Variants in RBMS1 observed in about 807,000 individuals in gnomAD.
RBMS1 encodes the protein RNA-binding motif, single-stranded-interacting protein 1.
A neutral mutation model predicts 62.3 loss-of-function variants in RBMS1; 17 were observed. The ratio of observed to expected loss-of-function variants is 0.27; its 90% confidence interval spans 0.19 to 0.41. The LOEUF is 0.41. Ranked by LOEUF, RBMS1 falls within the 10% of genes least tolerant of loss-of-function variation. The pLI is 1.00. For synonymous variants in RBMS1, 172 were observed against 170.0 expected, an observed-to-expected ratio of 1.01 and a Z score of -0.09; for missense variants, 334 against 504.5, an observed-to-expected ratio of 0.66 and a Z score of 3.24.
chr2:160,424,941 T>A (rs1696583824), intron 1 of RBMS1, among the ~76,000 whole-genome samples: 1 of 151,962 alleles, frequency 6.6e-6, no homozygotes, highest in African/African-American at 2.4e-5. Context: ...TAATCAGGAA[T>A]TGATCATCTA....
chr2:160,324,278 C>CACAA (rs1559381914), intron 2 of RBMS1, among the ~76,000 whole-genome samples: 1 of 152,168 alleles, frequency 6.6e-6, no homozygotes, highest in Non-Finnish European at 1.5e-5. Context: ...CACACACACA[C>CACAA]AATTTTCCTG....
At chr2:160,366,657 TG>T (rs2106023924) in intron 2 of RBMS1, among the ~76,000 whole-genome samples, 1 of 152,366 alleles carries the variant, frequency 6.6e-6, no homozygotes, top group East Asian at 1.9e-4. Flanking sequence ...TTTATGCACA[TG>T]CACACATCCC....
intron 1 of RBMS1, among the ~76,000 whole-genome samples, chr2:160,396,701 G>C (rs1249090836): frequency 6.6e-6 from 1 of 151,852 alleles, no homozygotes; most frequent in Non-Finnish European, 1.5e-5. Context: ...GAGTGGCTGG[G>C]ATACAGGCAG....
chr2:160,449,043 A>G (rs1683820934), intron 1 of RBMS1, among the ~76,000 whole-genome samples: 1 of 149,702 alleles, frequency 6.7e-6, no homozygotes, highest in Admixed American at 6.7e-5. Flanking sequence ...AGAAGTGAGG[A>G]GCCCCTCCGC....
intron 1 of RBMS1, among the ~76,000 whole-genome samples, chr2:160,385,401 A>T (rs769423729): frequency 7.2e-5 from 11 of 152,226 alleles, no homozygotes; most frequent in Non-Finnish European, 1.5e-4. Flanking sequence ...AGAGAGAGAG[A>T]AAGCTAACTA....
At chr2:160,395,268 C>T (rs1305900542) in intron 1 of RBMS1, among the ~76,000 whole-genome samples, 1 of 152,252 alleles carries the variant, frequency 6.6e-6, no homozygotes, top group South Asian at 2.1e-4. Context: ...TAATAGAATC[C>T]GTGTATCTTA....
chr2:160,396,892 G>A (rs1695175427), intron 1 of RBMS1, among the ~76,000 whole-genome samples: 1 of 152,096 alleles, frequency 6.6e-6, no homozygotes, highest in Non-Finnish European at 1.5e-5. Flanking sequence ...GCATGCACGT[G>A]GCACTCTCTG....
chr2:160,420,004 C>A (rs1351415117), intron 1 of RBMS1, among the ~76,000 whole-genome samples: 1 of 152,180 alleles, frequency 6.6e-6, no homozygotes, highest in Non-Finnish European at 1.5e-5. Context: ...TGACTCTCTT[C>A]TCTTTCTCCA....
At chr2:160,359,194 T>C (rs954224167) in intron 2 of RBMS1, among the ~76,000 whole-genome samples, 6 of 152,084 alleles carry the variant, frequency 3.9e-5, no homozygotes, top group South Asian at 4.1e-4. Flanking sequence ...TATTTCCTTA[T>C]ATTAGCCTCT....
intron 4 of RBMS1, among the ~76,000 whole-genome samples, chr2:160,310,081 T>C (rs1004217065): frequency 3.9e-5 from 6 of 152,194 alleles, no homozygotes; most frequent in Non-Finnish European, 1.5e-5. Context: ...CTATTTCACA[T>C]TATGTTAAAC....
chr2:160,284,768 T>C lies in RBMS1; in HGVS notation c.900+7A>G. 6.4e-7 allele frequency: 1 copy of C among 1,570,420 alleles called. No individual in the cohort carries two copies. The highest frequency in any genetic ancestry group is 8.8e-7 in the Non-Finnish European group (1 of 1,140,262). On this transcript the variant is annotated splice_region_variant and intron_variant, in intron 9 of 13. Coordinates refer to ENST00000348849, the MANE Select transcript of RBMS1 (RefSeq NM_016836.4). ...TTATACTGCTGACGAATCCTAAAGG[T>C]ACAAACCTGGTAGGCAGATACAGGA...
chr2:160,325,458 C>T (rs1213500312), intron 2 of RBMS1, among the ~76,000 whole-genome samples: 2 of 152,234 alleles, frequency 1.3e-5, no homozygotes, highest in African/African-American at 4.8e-5. Context: ...TTTGAGGAAA[C>T]CCCCTCTTGT....
chr2:160,364,112 C>T (rs905370369), intron 2 of RBMS1, among the ~76,000 whole-genome samples: 2 of 152,162 alleles, frequency 1.3e-5, no homozygotes, highest in Non-Finnish European at 2.9e-5. Context: ...ATAGACCACA[C>T]AGATAAGCAC....
chr2:160,323,540 C>T (rs1411088215), intron 2 of RBMS1, among the ~76,000 whole-genome samples: 4 of 147,800 alleles, frequency 2.7e-5, no homozygotes, highest in Non-Finnish European at 4.5e-5. Flanking sequence ...GGTCTCCTGA[C>T]TGGCGGAATT....
intron 2 of RBMS1, among the ~76,000 whole-genome samples, chr2:160,348,241 G>A (rs182693323): frequency 7.2e-4 from 110 of 152,122 alleles, no homozygotes; most frequent in African/African-American, 2.5e-3. Context: ...TATTTTAAAG[G>A]TGTCTCATTC....
At chr2:160,438,107 C>T (rs1683189729) in intron 1 of RBMS1, among the ~76,000 whole-genome samples, 1 of 152,190 alleles carries the variant, frequency 6.6e-6, no homozygotes. Flanking sequence ...TCTCTAACTT[C>T]TCAAGTCCTT....
chr2:160,460,878 C>G (rs905814728), intron 1 of RBMS1, among the ~76,000 whole-genome samples: 7 of 152,198 alleles, frequency 4.6e-5, no homozygotes, highest in Non-Finnish European at 1.0e-4. Context: ...GTAAGACATA[C>G]AGCATCCTCT....
chr2:160,423,012 C>G (rs559050672), intron 1 of RBMS1, among the ~76,000 whole-genome samples: 1 of 152,208 alleles, frequency 6.6e-6, no homozygotes, highest in African/African-American at 2.4e-5. Context: ...TCTCAGTTAT[C>G]TCTCAAATAC....
chr2:160,347,968 G>A (rs1360395747), intron 2 of RBMS1, among the ~76,000 whole-genome samples: 9 of 151,982 alleles, frequency 5.9e-5, no homozygotes, highest in East Asian at 1.9e-4. Flanking sequence ...ATTAAGCACC[G>A]TCTAATGCAT....
Sources: gnomAD v4.1 joint callset for allele counts (sites outside exome capture counted in the v4.1 genomes callset) on GRCh38, gnomAD v4.1.1 for gene constraint, MANE v1.5 for transcripts, NCBI Gene and HGNC (gene_info 2026-07-23, HGNC 2026-07-21) for gene names.